CAST: variants seen among roughly 807,000 people sequenced by gnomAD.
CAST encodes MIR583 host.
In CAST, 76 loss-of-function variants were observed where a neutral mutation model predicts 119.6. The ratio of observed to expected loss-of-function variants is 0.64; its 90% CI spans 0.53 to 0.77. The LOEUF is 0.77. Ranked by LOEUF, CAST falls within the 30% of genes least tolerant of loss-of-function variation. The pLI is 0.00. For synonymous variants in CAST, 319 were observed against 331.6 expected (o/e 0.96, Z 0.41); for missense variants, 953 against 946.5 (o/e 1.01, Z -0.09).
At chr5:96,754,398 C>T (rs1765831375) in intron 21 of CAST, among the ~76,000 whole-genome samples, 1 of 152,166 alleles carries the variant, frequency 6.6e-6, no homozygotes, top group African/African-American at 2.4e-5. Context: ...TCATCTTTGC[C>T]CACCTGCATT....
At chr5:96,108,978 C>T in the CAST span, among the ~76,000 whole-genome samples, 1 of 152,206 alleles carries the variant, frequency 6.6e-6, no homozygotes, top group Non-Finnish European at 1.5e-5. Context: ...GTGGGAGTGA[C>T]CCGATTTTCC....
At chr5:96,021,837 TCA>T in the CAST span, among the ~76,000 whole-genome samples, 2 of 152,204 alleles carry the variant, frequency 1.3e-5, no homozygotes, top group Non-Finnish European at 2.9e-5. Context: ...AAAGAATTAC[TCA>T]TTTTAAATTA....
chr5:96,243,118 T>C, the CAST span, among the ~76,000 whole-genome samples: 1 of 152,084 alleles, frequency 6.6e-6, no homozygotes, highest in Non-Finnish European at 1.5e-5. Context: ...TAAGGTATGG[T>C]TTCCACCCTT....
chr5:96,557,372 A>G (rs1746264595), intron 1 of CAST, among the ~76,000 whole-genome samples: 3 of 152,092 alleles, frequency 2.0e-5, no homozygotes, highest in Admixed American at 2.0e-4. Context: ...TTAACCTTAA[A>G]TGTAAATGGG....
the CAST span, chr5:96,432,831 C>G: frequency 1.2e-6 from 2 of 1,604,536 alleles, no homozygotes; most frequent in African/African-American, 2.7e-5. Context: ...CCCTGGGGCC[C>G]CAGAAAGTTT....
chr5:96,589,802 A>G (rs1418096341), intron 1 of CAST, among the ~76,000 whole-genome samples: 3 of 152,190 alleles, frequency 2.0e-5, no homozygotes, highest in African/African-American at 4.8e-5. Flanking sequence ...ATCAGCTATC[A>G]CGTCTCATTC....
At chr5:96,561,874 G>C in intron 1 of CAST, among the ~76,000 whole-genome samples, 1 of 133,848 alleles carries the variant, frequency 7.5e-6, no homozygotes. Context: ...CTCACTGCAA[G>C]CTCCGCCTCC....
chr5:96,133,114 G>A, the CAST span, among the ~76,000 whole-genome samples: 3 of 152,136 alleles, frequency 2.0e-5, no homozygotes, highest in Non-Finnish European at 4.4e-5. Flanking sequence ...GAAACAGAAA[G>A]TGTTTTAAAA....
the CAST span, among the ~76,000 whole-genome samples, chr5:96,452,956 CAAAAAA>C: frequency 1.6e-5 from 1 of 62,718 alleles, no homozygotes; most frequent in African/African-American, 1.2e-4. Flanking sequence ...GACTCCGTCT[CAAAAAA>C]AAAAAAAAAA....
At chr5:96,145,794 T>C in the CAST span, among the ~76,000 whole-genome samples, 3 of 152,348 alleles carry the variant, frequency 2.0e-5, no homozygotes, top group Middle Eastern at 3.4e-3. Context: ...GGGCTGACTG[T>C]GTTCAACTGG....
chr5:96,180,628 G>A, the CAST span, among the ~76,000 whole-genome samples: 73 of 152,216 alleles, frequency 4.8e-4, no homozygotes, highest in Middle Eastern at 3.4e-3. Context: ...GAACAGAAAG[G>A]GAAAGACACA....
chr5:96,513,646 C>A, the CAST span, among the ~76,000 whole-genome samples: 8 of 152,172 alleles, frequency 5.3e-5, no homozygotes, highest in African/African-American at 1.9e-4. Flanking sequence ...GGTAGTTACT[C>A]GGCTCCACCC....
chr5:96,152,378 G>T, the CAST span, among the ~76,000 whole-genome samples: 27 of 152,302 alleles, frequency 1.8e-4, no homozygotes, highest in African/African-American at 6.3e-4. Flanking sequence ...CCTCAGTAAG[G>T]CACCTTCCCA....
the CAST span, among the ~76,000 whole-genome samples, chr5:96,326,695 ATTTTTTTTTTT>A: frequency 1.0e-5 from 1 of 95,734 alleles, no homozygotes; most frequent in South Asian, 3.6e-4. Context: ...ATGGCTTTTC[ATTTTTTTTTTT>A]TTTTTTTTTT....
the CAST span, among the ~76,000 whole-genome samples, chr5:96,452,679 G>A: frequency 7.0e-6 from 1 of 143,786 alleles, no homozygotes; most frequent in Non-Finnish European, 1.5e-5. Context: ...GGCCGGGCGC[G>A]GTGGCTCACG....
At chr5:95,967,995 T>A in the CAST span, among the ~76,000 whole-genome samples, 1 of 152,228 alleles carries the variant, frequency 6.6e-6, no homozygotes. Context: ...ACTCACTTGA[T>A]AAGTGACAGA....
the CAST span, among the ~76,000 whole-genome samples, chr5:96,479,768 A>G: frequency 6.6e-6 from 1 of 152,114 alleles, no homozygotes; most frequent in African/African-American, 2.4e-5. Flanking sequence ...AAGAGTAGAT[A>G]ATGTCCCTTG....
At chr5:96,420,063 C>T in the CAST span, among the ~76,000 whole-genome samples, 4 of 152,126 alleles carry the variant, frequency 2.6e-5, no homozygotes, top group South Asian at 2.1e-4. Flanking sequence ...ACAGATTTCC[C>T]GTAGTCTTAA....
At chr5:96,250,697 A>T in the CAST span, among the ~76,000 whole-genome samples, 1 of 152,200 alleles carries the variant, frequency 6.6e-6, no homozygotes, top group Admixed American at 6.5e-5. Flanking sequence ...ACTAGATATA[A>T]GGTAGGCAAC....
Sources: gnomAD v4.1 joint callset for allele counts (sites outside exome capture counted in the v4.1 genomes callset) on GRCh38, gnomAD v4.1.1 for gene constraint, MANE v1.5 for transcripts, NCBI Gene and HGNC (gene_info 2026-07-23, HGNC 2026-07-21) for gene names.